The following GRID2 variants were observed in gnomAD, a reference collection of about 807,000 sequenced individuals.
GRID2 encodes glutamate ionotropic receptor delta type subunit 2, also known as glutamate receptor ionotropic, delta-2.
GRID2 carries 33 observed loss-of-function variants against 114.8 expected under a neutral mutation model. The ratio of observed to expected loss-of-function variants is 0.29; its 90% confidence interval spans 0.22 to 0.38. The LOEUF is 0.38. Among genes scored for constraint, GRID2 ranks in the 10% least tolerant of loss-of-function variants. GRID2 has a pLI of 1.00. For missense variants in GRID2, 1,184 were observed against 1,257.7 expected (o/e 0.94, Z 0.89); for synonymous variants, 505 against 449.9 (o/e 1.12, Z -1.55).
intron 1 of GRID2, among the ~76,000 whole-genome samples, chr4:92,499,376 T>G (rs1723558328): frequency 6.6e-6 from 1 of 152,132 alleles, no homozygotes; most frequent in Non-Finnish European, 1.5e-5. Flanking sequence ...TGCCCATTCC[T>G]CTCCATAGAT....
chr4:93,053,738 A>G (rs896198314), intron 2 of GRID2, among the ~76,000 whole-genome samples: 26 of 151,964 alleles, frequency 1.7e-4, no homozygotes, highest in African/African-American at 6.3e-4. Flanking sequence ...GCTATAGCAC[A>G]TTAACTTAAT....
chr4:93,054,221 A>C (rs1368069172), intron 2 of GRID2, among the ~76,000 whole-genome samples: 5 of 151,950 alleles, frequency 3.3e-5, no homozygotes, highest in Non-Finnish European at 1.5e-5. Context: ...TTTTATTAAA[A>C]CTATGAAAAA....
At chr4:93,543,113 C>T (rs1732815657) in intron 13 of GRID2, among the ~76,000 whole-genome samples, 1 of 152,138 alleles carries the variant, frequency 6.6e-6, no homozygotes, top group Admixed American at 6.6e-5. Flanking sequence ...GGAAACTGAA[C>T]AGAAGAAATA....
chr4:92,416,861 G>T (rs1388992182), intron 1 of GRID2, among the ~76,000 whole-genome samples: 2 of 151,812 alleles, frequency 1.3e-5, no homozygotes, highest in African/African-American at 4.8e-5. Context: ...TGTTCTTTTT[G>T]CTTAGTCTTG....
chr4:93,197,391 G>A (rs1485155214), intron 4 of GRID2, among the ~76,000 whole-genome samples: 1 of 152,046 alleles, frequency 6.6e-6, no homozygotes, highest in African/African-American at 2.4e-5. Flanking sequence ...AATGCACATA[G>A]TTGTAGTGTT....
chr4:93,659,596 T>G (rs1324969783), intron 14 of GRID2, among the ~76,000 whole-genome samples: 1 of 152,166 alleles, frequency 6.6e-6, no homozygotes, highest in Non-Finnish European at 1.5e-5. Context: ...TTTTTTAGAT[T>G]TTTTAGATTT....
At chr4:93,314,931 T>C (rs1756425362) in intron 8 of GRID2, among the ~76,000 whole-genome samples, 1 of 152,126 alleles carries the variant, frequency 6.6e-6, no homozygotes, top group African/African-American at 2.4e-5. Context: ...TTATTAACAA[T>C]AGTCACTGTA....
intron 8 of GRID2, among the ~76,000 whole-genome samples, chr4:93,372,567 G>A (rs1367432758): frequency 6.6e-6 from 1 of 151,482 alleles, no homozygotes; most frequent in African/African-American, 2.4e-5. Context: ...TTGTTTTTAC[G>A]ATCCCTGGGA....
At chr4:93,337,549 C>T (rs1016349057) in intron 8 of GRID2, among the ~76,000 whole-genome samples, 2 of 152,174 alleles carry the variant, frequency 1.3e-5, no homozygotes, top group Non-Finnish European at 2.9e-5. Flanking sequence ...AAGGGAGACA[C>T]TATCTTTATT....
intron 2 of GRID2, among the ~76,000 whole-genome samples, chr4:92,716,016 C>T (rs1161916381): frequency 6.6e-6 from 1 of 152,172 alleles, no homozygotes; most frequent in Non-Finnish European, 1.5e-5. Flanking sequence ...TGAGCAGAAT[C>T]AAATGACTCC....
chr4:92,653,327 C>CTGTGTG (rs112109018), intron 2 of GRID2, among the ~76,000 whole-genome samples: 1 of 146,210 alleles, frequency 6.8e-6, no homozygotes, highest in Non-Finnish European at 1.5e-5. Context: ...ACACATGTGT[C>CTGTGTG]TGTGTGTGTG....
intron 2 of GRID2, among the ~76,000 whole-genome samples, chr4:92,851,579 G>A (rs1743798962): frequency 6.6e-6 from 1 of 151,954 alleles, no homozygotes; most frequent in Non-Finnish European, 1.5e-5. Context: ...AGATAATTAT[G>A]TAGGTAATGT....
intron 1 of GRID2, among the ~76,000 whole-genome samples, chr4:92,489,059 G>A (rs1383875236): frequency 6.6e-6 from 1 of 152,052 alleles, no homozygotes; most frequent in Non-Finnish European, 1.5e-5. Flanking sequence ...ACAGTGTATA[G>A]GTGGGTAAGT....
chr4:92,928,615 G>T (rs1025425033), intron 2 of GRID2, among the ~76,000 whole-genome samples: 6 of 151,454 alleles, frequency 4.0e-5, no homozygotes, highest in African/African-American at 1.5e-4. Flanking sequence ...ATGCATTCTT[G>T]TGATTTATTT....
intron 4 of GRID2, among the ~76,000 whole-genome samples, chr4:93,111,203 A>C (rs1302617262): frequency 1.3e-5 from 2 of 152,176 alleles, no homozygotes; most frequent in African/African-American, 4.8e-5. Flanking sequence ...AAGAAGTCTT[A>C]TAGAAGTTTA....
chr4:92,957,558 A>G (rs919837656), intron 2 of GRID2, among the ~76,000 whole-genome samples: 39 of 151,994 alleles, frequency 2.6e-4, no homozygotes, highest in Admixed American at 1.2e-3. Flanking sequence ...CTGTAGCTTT[A>G]TAACAAACTT....
Position 93,040,768 on chromosome 4 carries a change from T to G in GRID2, c.245-44227T>G, listed in dbSNP as rs78994672. On this transcript the variant is annotated intron_variant, in intron 2 of 15. Coordinates refer to ENST00000282020, the MANE Select transcript of GRID2 (RefSeq NM_001510.4). ...TGTTGTTAGGTAAGAAATTAATAATTATTAAGTTCAATAACTCATCTCCTT... is the reference window on the plus strand; with the variant it reads ...TGTTGTTAGGTAAGAAATTAATAATGATTAAGTTCAATAACTCATCTCCTT... Among the ~76,000 whole-genome samples the G allele has an allele frequency of 3.3e-5, 5 of 152,146 alleles. No individual in the cohort carries two copies. In the East Asian group the frequency reaches 9.7e-4, roughly 29 times the overall value.
At chr4:92,447,566 C>T (rs1457055718) in intron 1 of GRID2, among the ~76,000 whole-genome samples, 3 of 152,204 alleles carry the variant, frequency 2.0e-5, no homozygotes, top group Non-Finnish European at 4.4e-5. Context: ...TACTTAACTT[C>T]TTATCTTAGT....
At chr4:93,216,463 T>G (rs916303271) in intron 5 of GRID2, among the ~76,000 whole-genome samples, 1 of 152,176 alleles carries the variant, frequency 6.6e-6, no homozygotes, top group African/African-American at 2.4e-5. Flanking sequence ...ACATTATAAA[T>G]TATAAACTTA....
Sources: allele counts gnomAD v4.1 joint callset (sites outside exome capture counted in the v4.1 genomes callset), GRCh38; gene constraint gnomAD v4.1.1; transcripts MANE v1.5; gene names NCBI Gene and HGNC (gene_info 2026-07-23, HGNC 2026-07-21).